The following MECOM variants were observed in gnomAD, a reference collection of about 807,000 sequenced individuals.
The protein encoded by MECOM is MDS1 and EVI1 complex locus.
MECOM carries 13 observed loss-of-function variants against 116.3 expected under a neutral mutation model. The observed-to-expected ratio is 0.11, with a 90% CI of 0.07 to 0.18. The LOEUF is 0.18. MECOM is among the 10% of genes least tolerant of loss of function. The probability of loss-of-function intolerance (pLI) is 1.00; values close to 1 mark genes in which losing one functional copy is unlikely to be tolerated. For synonymous variants in MECOM, 528 were observed against 535.2 expected, an observed-to-expected ratio of 0.99 and a Z score of 0.19; for missense variants, 1,299 against 1,509.0, an observed-to-expected ratio of 0.86 and a Z score of 2.31.
intron 1 of MECOM, among the ~76,000 whole-genome samples, chr3:169,640,366 A>G (rs1773313375): frequency 6.6e-6 from 1 of 152,206 alleles, no homozygotes; most frequent in Admixed American, 6.5e-5. Flanking sequence ...AGTGTTGAAA[A>G]GTCTTCTCCA....
intron 1 of MECOM, among the ~76,000 whole-genome samples, chr3:169,662,751 A>C (rs952905201): frequency 4.0e-5 from 6 of 151,802 alleles, no homozygotes; most frequent in Admixed American, 2.6e-4. Flanking sequence ...GCCGCCTCGC[A>C]ACTTTTCCCA....
At chr3:169,188,359 CAG>C (rs1340063379) in intron 2 of MECOM, among the ~76,000 whole-genome samples, 1 of 151,768 alleles carries the variant, frequency 6.6e-6, no homozygotes, top group Non-Finnish European at 1.5e-5. Context: ...TTGAGAGAAA[CAG>C]AGAGATAAAT....
intron 1 of MECOM, among the ~76,000 whole-genome samples, chr3:169,392,231 G>A (rs16853637): frequency 0.1 from 15,557 of 151,574 alleles, 1,066 homozygotes; most frequent in East Asian, 0.23. Flanking sequence ...AGTTTCCTCC[G>A]TGGAATAAAT....
chr3:169,405,912 A>G (rs917730456), intron 1 of MECOM, among the ~76,000 whole-genome samples: 5 of 152,208 alleles, frequency 3.3e-5, no homozygotes, highest in African/African-American at 1.2e-4. Context: ...AGCTGGGTTT[A>G]CAGAGCACTT....
At chr3:169,102,022 A>C (rs1413619528) in intron 11 of MECOM, 38 bp downstream of exon 11, 1 of 1,565,418 alleles carries the variant, frequency 6.4e-7, no homozygotes, top group Non-Finnish European at 8.7e-7. Context: ...CAGAGGGGAG[A>C]TTTCTGGAAA....
At chr3:169,411,307 T>C (rs530497596) in intron 1 of MECOM, among the ~76,000 whole-genome samples, 15 of 152,324 alleles carry the variant, frequency 9.8e-5, no homozygotes, top group African/African-American at 3.6e-4. Context: ...AGGAAAGATA[T>C]TGCTCTCTAA....
chr3:169,362,335 A>G (rs926578898), intron 2 of MECOM, among the ~76,000 whole-genome samples: 2 of 151,926 alleles, frequency 1.3e-5, no homozygotes, highest in African/African-American at 4.8e-5. Flanking sequence ...AGACTCATAG[A>G]GTTACAGCTA....
intron 1 of MECOM, among the ~76,000 whole-genome samples, chr3:169,509,755 A>C (rs1279349104): frequency 6.6e-6 from 1 of 152,232 alleles, no homozygotes; most frequent in Non-Finnish European, 1.5e-5. Context: ...TTATCTGCTC[A>C]TCTGCCAATG....
intron 1 of MECOM, among the ~76,000 whole-genome samples, chr3:169,413,047 T>C (rs1347769522): frequency 1.3e-5 from 2 of 152,230 alleles, no homozygotes; most frequent in Non-Finnish European, 2.9e-5. Context: ...AAAACATAGT[T>C]AGGAGGATTC....
intron 2 of MECOM, among the ~76,000 whole-genome samples, chr3:169,193,492 T>C (rs1414757350): frequency 6.6e-6 from 1 of 151,940 alleles, no homozygotes; most frequent in East Asian, 1.9e-4. Context: ...TAAATAAATT[T>C]TCCTATCCCA....
At chr3:169,267,966 C>G (rs1758514335) in intron 2 of MECOM, among the ~76,000 whole-genome samples, 1 of 152,076 alleles carries the variant, frequency 6.6e-6, no homozygotes, top group Non-Finnish European at 1.5e-5. Context: ...TGGAAGATGT[C>G]CCCTGATGGC....
At chr3:169,481,767 A>AACATT (rs1228188322) in intron 1 of MECOM, among the ~76,000 whole-genome samples, 1 of 152,164 alleles carries the variant, frequency 6.6e-6, no homozygotes, top group African/African-American at 2.4e-5. Flanking sequence ...AAAGAGAATG[A>AACATT]ACATTACTGC....
chr3:169,182,183 A>C (rs199747816), intron 2 of MECOM, among the ~76,000 whole-genome samples: 2 of 152,208 alleles, frequency 1.3e-5, no homozygotes, highest in East Asian at 3.8e-4. Context: ...GGTGTAATAT[A>C]AAATAGAGCT....
chr3:169,595,369 C>T (rs1432113678), intron 1 of MECOM, among the ~76,000 whole-genome samples: 1 of 152,104 alleles, frequency 6.6e-6, no homozygotes, highest in Non-Finnish European at 1.5e-5. Context: ...TTAATTAAAG[C>T]TGTTAGTTTT....
intron 2 of MECOM, among the ~76,000 whole-genome samples, chr3:169,243,651 C>T (rs542896086): frequency 1.9e-4 from 29 of 152,128 alleles, no homozygotes; most frequent in Non-Finnish European, 3.5e-4. Context: ...TTTGGTTTTT[C>T]CACTTTGGAA....
chr3:169,347,090 T>A (rs1166784615), intron 2 of MECOM, among the ~76,000 whole-genome samples: 1 of 151,962 alleles, frequency 6.6e-6, no homozygotes, highest in Non-Finnish European at 1.5e-5. Context: ...AGACAAATGG[T>A]TAACTGGAAA....
chr3:169,170,786 C>G (rs142195088), intron 2 of MECOM, among the ~76,000 whole-genome samples: 1 of 152,018 alleles, frequency 6.6e-6, no homozygotes. Flanking sequence ...ACTCAACAGC[C>G]GAAAAGGAAT....
intron 1 of MECOM, among the ~76,000 whole-genome samples, chr3:169,426,471 GCATCGCT>G (rs1417504897): frequency 1.3e-5 from 2 of 152,158 alleles, no homozygotes; most frequent in Non-Finnish European, 2.9e-5. Context: ...TTGGCAAATG[GCATCGCT>G]GTGCTCATAG....
intron 1 of MECOM, among the ~76,000 whole-genome samples, chr3:169,432,052 T>G (rs1291647362): frequency 6.6e-6 from 1 of 152,060 alleles, no homozygotes; most frequent in Non-Finnish European, 1.5e-5. Context: ...ACAAACTGAC[T>G]GTAGGCCAGA....
Sources: gnomAD v4.1 joint callset for allele counts (sites outside exome capture counted in the v4.1 genomes callset) on GRCh38, gnomAD v4.1.1 for gene constraint, MANE v1.5 for transcripts, NCBI Gene and HGNC (gene_info 2026-07-23, HGNC 2026-07-21) for gene names.